PTPN12: variants seen among roughly 807,000 people sequenced by gnomAD.
PTPN12 encodes the protein tyrosine-protein phosphatase non-receptor type 12.
Under a neutral mutation model 97.6 loss-of-function variants are expected in PTPN12, and 29 were observed. That is an observed-to-expected ratio of 0.30 (90% CI 0.22 to 0.41). The LOEUF is 0.41. Among genes scored for constraint, PTPN12 ranks in the 10% least tolerant of loss-of-function variants. PTPN12 has a pLI of 1.00. For missense variants in PTPN12, 819 were observed against 926.0 expected, an observed-to-expected ratio of 0.88 and a Z score of 1.50; for synonymous variants, 327 against 300.4, an observed-to-expected ratio of 1.09 and a Z score of -0.91.
intron 1 of PTPN12, among the ~76,000 whole-genome samples, chr7:77,548,824 G>T (rs531332820): frequency 1.3e-5 from 2 of 152,156 alleles, no homozygotes; most frequent in Non-Finnish European, 2.9e-5. Flanking sequence ...AAGAAATAGA[G>T]AGCCTGGGTG....
chr7:77,597,608 A>C (rs1788062214), intron 6 of PTPN12, among the ~76,000 whole-genome samples: 1 of 152,148 alleles, frequency 6.6e-6, no homozygotes, highest in Non-Finnish European at 1.5e-5. Context: ...ATTTTGGTAC[A>C]TGTATGTGTA....
chr7:77,568,331 AAAG>A (rs1258672794), intron 1 of PTPN12, among the ~76,000 whole-genome samples: 8 of 152,182 alleles, frequency 5.3e-5, no homozygotes, highest in African/African-American at 1.9e-4. Context: ...TTGTCATGTA[AAAG>A]AAGAAAAGTC....
chr7:77,637,172 T>A, intron 16 of PTPN12, 124 bp downstream of exon 16: 1 of 742,664 alleles, frequency 1.3e-6, no homozygotes, highest in Non-Finnish European at 2.2e-6. Context: ...CTAGGACAAC[T>A]CTTGTAGAAG....
At chr7:77,632,544 T>C in intron 14 of PTPN12, 119 bp downstream of exon 14, 1 of 738,812 alleles carries the variant, frequency 1.4e-6, no homozygotes, top group Non-Finnish European at 2.3e-6. Context: ...AACAAGTAAA[T>C]TGATGTTGAC....
chr7:77,605,790 G>C (rs1038148394), intron 8 of PTPN12, among the ~76,000 whole-genome samples: 1 of 151,768 alleles, frequency 6.6e-6, no homozygotes, highest in South Asian at 2.1e-4. Flanking sequence ...TAGTTTTTTG[G>C]GATATGAGAG....
At position 77,592,178 on chromosome 7, in the gene PTPN12, A is replaced by G. The variant is rs767408485; in HGVS notation, c.421-7A>G. ...ATTACTTACTAATTTTTTTTTTTGG[A>G]TGACAGAAAAAATGTGAGCGCTATT... On this transcript the variant is annotated splice_polypyrimidine_tract_variant and splice_region_variant and intron_variant, in intron 5 of 17. Transcript: ENST00000248594. 1.3e-6 allele frequency: 2 copies of G among 1,585,416 alleles called. No individual in the cohort carries two copies. Among genetic ancestry groups the G allele is most frequent in the South Asian group, 2.3e-5 (2 of 86,358 alleles).
intron 13 of PTPN12, 106 bp downstream of exon 13, chr7:77,627,781 T>C: frequency 2.7e-6 from 3 of 1,127,618 alleles, no homozygotes; most frequent in South Asian, 2.4e-5. Flanking sequence ...CACTCTACCA[T>C]AGAACCTACA....
chr7:77,591,749 T>G (rs1233221266), intron 5 of PTPN12, among the ~76,000 whole-genome samples: 4 of 152,250 alleles, frequency 2.6e-5, no homozygotes, highest in Admixed American at 6.5e-5. Context: ...AAGTAGAATA[T>G]TCTTTCCACT....
At chr7:77,637,125 G>A in intron 16 of PTPN12, 77 bp downstream of exon 16, 4 of 1,156,034 alleles carry the variant, frequency 3.5e-6, no homozygotes, top group South Asian at 1.3e-5. Context: ...ATGCTTCATA[G>A]TTCATGCTAT....
intron 11 of PTPN12, 111 bp downstream of exon 11, chr7:77,611,157 A>G: frequency 2.6e-6 from 2 of 776,690 alleles, no homozygotes; most frequent in East Asian, 4.9e-5. Context: ...AAGAATATCC[A>G]GGACACTTAA....
intron 1 of PTPN12, among the ~76,000 whole-genome samples, chr7:77,556,342 CA>C (rs1197238271): frequency 6.6e-6 from 1 of 151,828 alleles, no homozygotes. Context: ...GGATTACAGG[CA>C]TGAGCCACCC....
At chr7:77,583,806 G>A in intron 4 of PTPN12, 156 bp downstream of exon 4, 4 of 479,400 alleles carry the variant, frequency 8.3e-6, no homozygotes, top group Non-Finnish European at 1.4e-5. Flanking sequence ...TTTTTAGGAT[G>A]TCTCATTAAA....
chr7:77,627,558 G>A lies in PTPN12; in HGVS notation c.1879G>A (p.Ala627Thr). 1 of 1,614,012 alleles carries A rather than the reference G, an allele frequency of 6.2e-7. No individual in the cohort carries two copies. Among genetic ancestry groups the A allele is most frequent in the Non-Finnish European group, 8.5e-7 (1 of 1,179,980 alleles). The change falls in exon 13 of 18, where the codon GCA (alanine) becomes ACA (threonine). Residue 627 changes from alanine to threonine, a missense_variant. Ala to Thr is a moderately conservative substitution (Grantham distance 58, BLOSUM62 0). Coordinates refer to ENST00000248594, the MANE Select transcript of PTPN12 (RefSeq NM_002835.4). ...VTQNKTNIST[A>T]SATVSAATST... Reference sequence around the variant, plus strand: ...CCAGAATAAAACTAATATTTCAACAGCAAGTGCCACAGTTTCTGCTGCCAC... The same window carrying A: ...CCAGAATAAAACTAATATTTCAACAACAAGTGCCACAGTTTCTGCTGCCAC...
rs540214365 is a variant in PTPN12, at chr7:77,583,645, G to A, written c.376G>A (p.Val126Ile). ...TTGGAGGATGATATGGGAGTATAAT[G>A]TTGTGGTAAGTAATTTACTTTTCAC... ...DFWRMIWEYNVVIIVMACREF... is the reference protein window; with the variant it reads ...DFWRMIWEYNIVIIVMACREF... The change falls in exon 4 of 18, where the codon GTT becomes ATT. Residue 126 changes from valine (V) to isoleucine (I), a missense_variant. Physicochemically the swap from Val to Ile is conservative, Grantham distance 29. This residue lies in a region of PTPN12 where 66 missense variants were observed against 133.6 expected (regional missense o/e 0.49). Transcript: ENST00000248594. 1 of 1,560,114 alleles carries A rather than the reference G, an allele frequency of 6.4e-7. No homozygotes were observed. Among genetic ancestry groups the A allele is most frequent in the East Asian group, 2.3e-5 (1 of 44,394 alleles).
chr7:77,627,699 T>G (rs1168641011), intron 13 of PTPN12, 24 bp downstream of exon 13: 1 of 1,515,518 alleles, frequency 6.6e-7, no homozygotes, highest in Admixed American at 2.1e-5. Flanking sequence ...GTCAAATACT[T>G]AAATGTCTTT....
intron 1 of PTPN12, among the ~76,000 whole-genome samples, chr7:77,552,756 A>T (rs909428274): frequency 6.6e-6 from 1 of 152,228 alleles, no homozygotes; most frequent in African/African-American, 2.4e-5. Flanking sequence ...GGACAGTCCA[A>T]TGATATGGTT....
intron 9 of PTPN12, among the ~76,000 whole-genome samples, chr7:77,609,846 A>C (rs2151375445): frequency 6.6e-6 from 1 of 150,692 alleles, no homozygotes; most frequent in African/African-American, 2.4e-5. Flanking sequence ...ACGCCACCGT[A>C]CTCCAGCCTG....
chr7:77,604,307 C>G (rs961478600), intron 8 of PTPN12, among the ~76,000 whole-genome samples: 6 of 145,122 alleles, frequency 4.1e-5, no homozygotes, highest in African/African-American at 1.5e-4. Context: ...CCTCTGCCTC[C>G]TGGGTTCAAG....
chr7:77,632,463 C>T (rs1789431708), intron 14 of PTPN12, 38 bp downstream of exon 14: 1 of 1,463,404 alleles, frequency 6.8e-7, no homozygotes, highest in African/African-American at 1.4e-5. Context: ...ACTTCATATT[C>T]TAATAATAAA....
Sources: allele counts gnomAD v4.1 joint callset (sites outside exome capture counted in the v4.1 genomes callset), GRCh38; gene constraint gnomAD v4.1.1; regional missense constraint gnomAD v4.1.1; transcripts MANE v1.5; gene names NCBI Gene and HGNC (gene_info 2026-07-23, HGNC 2026-07-21).